Variants in POLR3E observed in about 807,000 individuals in gnomAD.
The protein encoded by POLR3E is RNA polymerase III subunit E.
Under a neutral mutation model 96.6 loss-of-function variants are expected in POLR3E, and 41 were observed. That is an observed-to-expected ratio of 0.42 (90% CI 0.33 to 0.55). The LOEUF (loss-of-function observed/expected upper bound fraction) is 0.55. POLR3E is among the 20% of genes least tolerant of loss of function. The probability of loss-of-function intolerance (pLI) is 0.06; values close to 1 mark genes in which losing one functional copy is unlikely to be tolerated. For missense variants in POLR3E, 849 were observed against 952.1 expected, an observed-to-expected ratio of 0.89 and a Z score of 1.43; for synonymous variants, 396 against 383.6, an observed-to-expected ratio of 1.03 and a Z score of -0.38.
chr16:22,323,789 G>A (rs1459209916), intron 14 of POLR3E, among the ~76,000 whole-genome samples: 1 of 152,122 alleles, frequency 6.6e-6, no homozygotes, highest in Non-Finnish European at 1.5e-5. Flanking sequence ...CAGAACTGGC[G>A]GCTTGGTGGG....
chr16:22,298,527 A>T (rs1477876400), intron 1 of POLR3E, among the ~76,000 whole-genome samples: 3 of 152,206 alleles, frequency 2.0e-5, no homozygotes, highest in Non-Finnish European at 4.4e-5. Flanking sequence ...CAGACAACTC[A>T]GGTGGGTCAC....
In POLR3E at chr16:22,325,832, TTGC is replaced by T. The variant is rs757990832; in HGVS notation, c.1423_1425del (p.Leu475del). On this transcript the variant is annotated inframe_deletion, in exon 18 of 21. Transcript: ENST00000299853. ...AACCAAGGCCCAGCAGAACCACGCG[TTGC>T]TGGAGCGGGAGCTGCAGCGGCGGAA... 1 of 1,611,626 alleles carries T rather than the reference TTGC, an allele frequency of 6.2e-7. No homozygotes were observed. The highest frequency in any genetic ancestry group is 1.1e-5 in the South Asian group (1 of 90,776).
rs910760006 is a variant in POLR3E at position 22,322,182 on chromosome 16, G to T, written c.987-668G>T. Among the ~76,000 whole-genome samples, 9 of 152,216 alleles carry T rather than the reference G, an allele frequency of 5.9e-5. No homozygotes were observed. The highest frequency in any genetic ancestry group is 2.2e-4 in the African/African-American group (9 of 41,452). ...TGGTTGCCAGGTGGACCTGAGCAGG[G>T]GGAGGAGGAGGGCTTGGCAGCAGAG... is the stretch of plus-strand genomic sequence containing the variant. On this transcript the variant is annotated intron_variant, in intron 13 of 20. Coordinates refer to ENST00000299853, the MANE Select transcript of POLR3E (RefSeq NM_018119.4). The surrounding 1 kb of genome is among the most constrained non-coding windows in gnomAD (Gnocchi z 5.2).
chr16:22,298,394 TAAC>T (rs1454158326), intron 1 of POLR3E, among the ~76,000 whole-genome samples: 1 of 152,236 alleles, frequency 6.6e-6, no homozygotes, highest in East Asian at 1.9e-4. Flanking sequence ...TGTCAAGTAA[TAAC>T]AAACCTTCCC....
At position 22,332,434 on chromosome 16, in the gene POLR3E, C is replaced by T. The variant is rs143770835; in HGVS notation, c.2070+249C>T. Among the ~76,000 whole-genome samples, 1,500 of 152,250 alleles carry T rather than the reference C, an allele frequency of 9.9e-3. 24 individuals are homozygous for T. Among genetic ancestry groups the T allele is most frequent in the South Asian group, 0.052 (249 of 4,824 alleles). ...TGGTGTCCAAGGGAAAGAATACAGCCATGGATGCTTTGTTTCTCTTTCTGG... is the reference window on the plus strand; with the variant it reads ...TGGTGTCCAAGGGAAAGAATACAGCTATGGATGCTTTGTTTCTCTTTCTGG... On this transcript the variant is annotated intron_variant, in intron 20 of 20. Transcript: ENST00000299853.
At chr16:22,328,736 T>A in intron 19 of POLR3E, 149 bp downstream of exon 19, 2 of 668,014 alleles carry the variant, frequency 3.0e-6, no homozygotes, top group East Asian at 2.7e-5. Flanking sequence ...TCCAACTCTG[T>A]ACGCTAACAA....
intron 8 of POLR3E, 164 bp from the exon 9 acceptor site, chr16:22,314,925 G>A: frequency 3.1e-6 from 2 of 651,960 alleles, no homozygotes; most frequent in Non-Finnish European, 5.1e-6. Context: ...GGCAGCTCTG[G>A]GAGGGACACG....
intron 3 of POLR3E, among the ~76,000 whole-genome samples, chr16:22,306,522 G>A (rs1193431392): frequency 1.3e-5 from 2 of 152,124 alleles, no homozygotes; most frequent in African/African-American, 4.8e-5. Flanking sequence ...CATAGTGCTG[G>A]GATTACAGGT....
rs1203884485 is a variant in POLR3E at position 22,325,819 on chromosome 16, G to A, written c.1407G>A (p.Gln469=). ...QRIQVAKTKA[Q]QNHALLEREL... ...TCCAAGTAGCCAAAACCAAGGCCCA[G>A]CAGAACCACGCGTTGCTGGAGCGGG... The change falls in exon 18 of 21, where the codon CAG becomes CAA. Residue 469 remains glutamine, a synonymous_variant. Transcript: ENST00000299853. 6.2e-7 allele frequency: 1 copy of A among 1,608,994 alleles called. No homozygotes were observed. Among genetic ancestry groups the A allele is most frequent in the African/African-American group, 1.3e-5 (1 of 74,830 alleles).
intron 6 of POLR3E, among the ~76,000 whole-genome samples, chr16:22,311,703 C>T (rs1016885857): frequency 6.6e-6 from 1 of 151,818 alleles, no homozygotes; most frequent in Non-Finnish European, 1.5e-5. Flanking sequence ...GCTATGTTGC[C>T]CAGGCTGGTC....
intron 9 of POLR3E, 24 bp downstream of exon 9, chr16:22,315,232 TG>T: frequency 1.3e-6 from 2 of 1,565,646 alleles, no homozygotes; most frequent in Non-Finnish European, 1.7e-6. Context: ...CGTGGGGTCC[TG>T]GGGGAAACAC....
At chr16:22,299,229 C>A (rs189020518) in intron 1 of POLR3E, among the ~76,000 whole-genome samples, 1 of 151,998 alleles carries the variant, frequency 6.6e-6, no homozygotes, top group African/African-American at 2.4e-5. Flanking sequence ...TGCAAAGGAC[C>A]TGGGGTGGAC....
intron 13 of POLR3E, among the ~76,000 whole-genome samples, chr16:22,319,595 T>TTCAC (rs1449151567): frequency 1.3e-5 from 2 of 152,142 alleles, no homozygotes; most frequent in African/African-American, 4.8e-5. Context: ...GAGATGGGGT[T>TTCAC]TCACTGTGTT....
intron 1 of POLR3E, among the ~76,000 whole-genome samples, chr16:22,302,082 G>A (rs572604095): frequency 4.6e-5 from 7 of 152,162 alleles, no homozygotes; most frequent in South Asian, 4.1e-4. Flanking sequence ...AACCTGCCCC[G>A]TGGAGACCTA....
At chr16:22,321,399 T>C (rs2048468845) in intron 13 of POLR3E, among the ~76,000 whole-genome samples, 1 of 152,264 alleles carries the variant, frequency 6.6e-6, no homozygotes, top group Non-Finnish European at 1.5e-5. Flanking sequence ...TTCGTGTTAC[T>C]GCCACCTGGT....
In POLR3E at chr16:22,313,928, CTG is replaced by C; in HGVS notation, c.473-149_473-148del. ...GTATCCCCAGGGTAAAGGGGCAAAA[CTG>C]TCCCCGATTGAGAACCACTGGCTTA... On this transcript the variant is annotated intron_variant, in intron 7 of 20. Coordinates refer to ENST00000299853, the MANE Select transcript of POLR3E (RefSeq NM_018119.4). The surrounding 1 kb of genome is among the most constrained non-coding windows in gnomAD (Gnocchi z 4.1). 1 of 747,064 alleles carries C rather than the reference CTG, an allele frequency of 1.3e-6. No individual in the cohort carries two copies. 46.3% of individuals were successfully genotyped at this position (747,064 alleles called of 1,614,324 possible).
intron 6 of POLR3E, among the ~76,000 whole-genome samples, chr16:22,311,322 T>A (rs2055485411): frequency 1.3e-5 from 2 of 149,494 alleles, no homozygotes; most frequent in South Asian, 4.2e-4. Flanking sequence ...GTGTGCAGTC[T>A]GTATGAAGTC....
chr16:22,323,006 A>G, intron 14 of POLR3E, 75 bp downstream of exon 14: 3 of 1,029,982 alleles, frequency 2.9e-6, no homozygotes, highest in Non-Finnish European at 4.4e-6. Context: ...GCTTCTGAAG[A>G]CCGGGGCCCG....
At chr16:22,305,312 C>A in intron 3 of POLR3E, 106 bp downstream of exon 3, 1 of 838,380 alleles carries the variant, frequency 1.2e-6, no homozygotes, top group Non-Finnish European at 2.1e-6. Flanking sequence ...CTAGGGTTCT[C>A]GGTGTGGAGA....
Sources: allele counts gnomAD v4.1 joint callset (sites outside exome capture counted in the v4.1 genomes callset), GRCh38; gene constraint gnomAD v4.1.1; non-coding constraint Gnocchi (gnomAD v3.1); transcripts MANE v1.5; gene names NCBI Gene and HGNC (gene_info 2026-07-23, HGNC 2026-07-21).